DERA: variants seen among roughly 807,000 people sequenced by gnomAD.
DERA encodes deoxyribose-phosphate aldolase, also known as 2-deoxy-D-ribose 5-phosphate aldolase.
Under a neutral mutation model 41.1 loss-of-function variants are expected in DERA, and 15 were observed. The ratio of observed to expected loss-of-function variants is 0.37; its 90% confidence interval spans 0.24 to 0.56. DERA has a LOEUF of 0.56. DERA is among the 20% of genes least tolerant of loss of function. The pLI, the probability that DERA is intolerant of heterozygous loss-of-function variation, is 0.81. For synonymous variants in DERA, 139 were observed against 137.4 expected (o/e 1.01, Z -0.08); for missense variants, 396 against 403.4 (o/e 0.98, Z 0.16).
At position 16,015,794 on chromosome 12, in the gene DERA, C is replaced by G. The variant is rs117734865; in HGVS notation, c.638-16748C>G. The stretch of plus-strand genomic sequence containing the variant: ...GAGGAACAACTTTAAAATATAAATT[C>G]AGGGAAAAGAGTAAAGGTACAAATT... On this transcript the variant is annotated intron_variant, in intron 6 of 8. Transcript: ENST00000428559. Among the ~76,000 whole-genome samples the G allele has an allele frequency of 9.2e-5, 14 of 152,274 alleles. No homozygotes were observed. In the East Asian group the frequency reaches 2.5e-3, roughly 27 times the overall value.
chr12:16,029,557 A>G (rs1949076617), intron 6 of DERA, among the ~76,000 whole-genome samples: 1 of 152,220 alleles, frequency 6.6e-6, no homozygotes, highest in African/African-American at 2.4e-5. Flanking sequence ...TTAAAGGTGG[A>G]AAATACTGTA....
At chr12:16,024,107 GAA>G (rs1007547184) in intron 6 of DERA, among the ~76,000 whole-genome samples, 2 of 152,098 alleles carry the variant, frequency 1.3e-5, no homozygotes, top group African/African-American at 4.8e-5. Flanking sequence ...AATGTGAAGA[GAA>G]AAAACTGGGA....
At chr12:16,030,962 T>A (rs1166905579) in intron 6 of DERA, among the ~76,000 whole-genome samples, 1 of 152,238 alleles carries the variant, frequency 6.6e-6, no homozygotes, top group Non-Finnish European at 1.5e-5. Flanking sequence ...TGCATCAGTG[T>A]CCATGGAATT....
intron 1 of DERA, among the ~76,000 whole-genome samples, chr12:15,939,717 C>T (rs1200807228): frequency 1.3e-5 from 2 of 151,542 alleles, no homozygotes; most frequent in Non-Finnish European, 2.9e-5. Context: ...CAGTGTACAT[C>T]AGCTTAGATT....
chr12:15,986,592 T>A (rs565905389), intron 6 of DERA, among the ~76,000 whole-genome samples: 1 of 152,306 alleles, frequency 6.6e-6, no homozygotes, highest in African/African-American at 2.4e-5. Flanking sequence ...GGAAGAACCT[T>A]ACAACAGTTT....
chr12:15,914,634 A>G (rs910496893), intron 1 of DERA, among the ~76,000 whole-genome samples: 1 of 152,064 alleles, frequency 6.6e-6, no homozygotes. Context: ...CTTCCTTGCA[A>G]ATGTTATCTT....
chr12:16,007,428 C>A (rs1321476582), intron 6 of DERA, among the ~76,000 whole-genome samples: 2 of 152,210 alleles, frequency 1.3e-5, no homozygotes, highest in Non-Finnish European at 2.9e-5. Flanking sequence ...TAGCAGTCCA[C>A]CTGCCTCAGC....
intron 1 of DERA, among the ~76,000 whole-genome samples, chr12:15,933,623 C>T (rs987955439): frequency 6.6e-5 from 10 of 152,096 alleles, no homozygotes; most frequent in Non-Finnish European, 1.3e-4. Context: ...TCGGTATACC[C>T]ATGCAACCAT....
rs375480941 is a variant in DERA, at chr12:15,959,093, C to T, written c.278-736C>T. Among the ~76,000 whole-genome samples, 1 of 152,094 alleles carries T rather than the reference C, an allele frequency of 6.6e-6. No homozygotes were observed. The highest frequency in any genetic ancestry group is 2.1e-4 in the South Asian group (1 of 4,822). On this transcript the variant is annotated intron_variant, in intron 3 of 8. Coordinates refer to ENST00000428559, the MANE Select transcript of DERA (RefSeq NM_015954.4). This position sits in a 1 kb window ranked among gnomAD's most constrained non-coding sequence, Gnocchi z 4.5. The stretch of plus-strand genomic sequence containing the variant: ...CTGGAGACGTTGAATTGGCCCAATG[C>T]AGGTCTTTTATCCCAAATAAACACG...
intron 1 of DERA, among the ~76,000 whole-genome samples, chr12:15,932,963 C>G (rs1185588322): frequency 6.6e-6 from 1 of 152,172 alleles, no homozygotes; most frequent in Non-Finnish European, 1.5e-5. Flanking sequence ...ATGTAATACC[C>G]TCCAGGATTA....
At chr12:15,949,459 G>GGCTC (rs200171950) in intron 1 of DERA, among the ~76,000 whole-genome samples, 3 of 92,876 alleles carry the variant, frequency 3.2e-5, no homozygotes, top group Admixed American at 2.9e-4. Context: ...TGCTGTGCTA[G>GGCTC]CAATGAGCAA....
chr12:15,949,091 G>T (rs1163383047), intron 1 of DERA, among the ~76,000 whole-genome samples: 2 of 152,144 alleles, frequency 1.3e-5, no homozygotes, highest in Admixed American at 6.6e-5. Flanking sequence ...CGGCCGTGTG[G>T]GGTGTCAGTC....
In DERA at chr12:15,967,464, C is replaced by G. The variant is rs11609537; in HGVS notation, c.508+4517C>G. 6.6e-6 allele frequency among the ~76,000 whole-genome samples: 1 copy of G among 151,988 alleles called. No homozygotes were observed. Among genetic ancestry groups the G allele is most frequent in the Non-Finnish European group, 1.5e-5 (1 of 67,988 alleles). On this transcript the variant is annotated intron_variant, in intron 5 of 8. Transcript: ENST00000428559. This position sits in a 1 kb window ranked among gnomAD's most constrained non-coding sequence, Gnocchi z 4.9. ...AACAAAAACTATTAAAAAGTGTTTT[C>G]ATTTCCCTGACTTTCTTAACAATTT...
rs958641532 is a variant in DERA at position 16,008,494 on chromosome 12, C to T, written c.638-24048C>T. ...TGTGAGGGAAGGATAACTCGTGTCCCTGGTTGCAGAGTCTGAGTGATCCCC... is the reference window on the plus strand; with the variant it reads ...TGTGAGGGAAGGATAACTCGTGTCCTTGGTTGCAGAGTCTGAGTGATCCCC... On this transcript the variant is annotated intron_variant, in intron 6 of 8. Coordinates refer to ENST00000428559, the MANE Select transcript of DERA (RefSeq NM_015954.4). The surrounding 1 kb of genome is among the most constrained non-coding windows in gnomAD (Gnocchi z 4.8). Among the ~76,000 whole-genome samples the T allele has an allele frequency of 6.6e-6, 1 of 152,136 alleles. No individual in the cohort carries two copies. The highest frequency in any genetic ancestry group is 1.5e-5 in the Non-Finnish European group (1 of 68,024).
In DERA at chr12:16,014,598, G is replaced by C. The variant is rs556326370; in HGVS notation, c.638-17944G>C. Reference sequence around the variant, plus strand: ...TGGCAGAAGTTTACTGCAGAGGGGAGCCCTCGTGGAGAACCTCTGCTAGGG... The same window carrying C: ...TGGCAGAAGTTTACTGCAGAGGGGACCCCTCGTGGAGAACCTCTGCTAGGG... On this transcript the variant is annotated intron_variant, in intron 6 of 8. Transcript: ENST00000428559. This position sits in a 1 kb window ranked among gnomAD's most constrained non-coding sequence, Gnocchi z 5.4. Among the ~76,000 whole-genome samples, 268 of 152,346 alleles carry C rather than the reference G, an allele frequency of 1.8e-3. 2 individuals are homozygous for C. The highest frequency in any genetic ancestry group is 0.01 in the Middle Eastern group (3 of 294).
rs1047276028 is a variant in DERA, at chr12:15,940,639, C to T, written c.32-16297C>T. Among the ~76,000 whole-genome samples the T allele has an allele frequency of 3.3e-5, 5 of 152,182 alleles. No individual in the cohort carries two copies. The highest frequency in any genetic ancestry group is 4.4e-5 in the Non-Finnish European group (3 of 68,030). On this transcript the variant is annotated intron_variant, in intron 1 of 8. Coordinates refer to ENST00000428559, the MANE Select transcript of DERA (RefSeq NM_015954.4). This position sits in a 1 kb window ranked among gnomAD's most constrained non-coding sequence, Gnocchi z 5.1. ...ATGCTGGGATTACAGGCGTGAGCCA[C>T]CGCATCCGGCCTGCTTTACTTCTTA... is the stretch of plus-strand genomic sequence containing the variant.
chr12:15,964,659 A>G (rs1948610971), intron 5 of DERA, among the ~76,000 whole-genome samples: 1 of 152,232 alleles, frequency 6.6e-6, no homozygotes, highest in South Asian at 2.1e-4. Context: ...CTGGCAATAA[A>G]CTTTATGTGA....
rs1340479459 is a variant in DERA, at chr12:15,981,502, A to G, written c.509-806A>G. Among the ~76,000 whole-genome samples, 1 of 152,252 alleles carries G rather than the reference A, an allele frequency of 6.6e-6. No individual in the cohort carries two copies. The highest frequency in any genetic ancestry group is 1.5e-5 in the Non-Finnish European group (1 of 68,044). On this transcript the variant is annotated intron_variant, in intron 5 of 8. Transcript: ENST00000428559. This position sits in a 1 kb window ranked among gnomAD's most constrained non-coding sequence, Gnocchi z 6.1. ...GAAAAAGCCAAAATTCACTAGTATC[A>G]TTGACAAAAGACTTAAATAATTTTT... is the stretch of plus-strand genomic sequence containing the variant.
chr12:15,953,825 G>A (rs1161835602), intron 1 of DERA, among the ~76,000 whole-genome samples: 1 of 152,144 alleles, frequency 6.6e-6, no homozygotes, highest in Non-Finnish European at 1.5e-5. Context: ...AGGAGAACAT[G>A]GGTTATTTGA....
Sources: allele counts gnomAD v4.1 joint callset (sites outside exome capture counted in the v4.1 genomes callset), GRCh38; gene constraint gnomAD v4.1.1; non-coding constraint Gnocchi (gnomAD v3.1); transcripts MANE v1.5; gene names NCBI Gene and HGNC (gene_info 2026-07-23, HGNC 2026-07-21).